Variants in PTPRT observed in about 807,000 individuals in gnomAD.
PTPRT encodes the protein receptor-type tyrosine-protein phosphatase T.
A neutral mutation model predicts 176.8 loss-of-function variants in PTPRT; 56 were observed. That is an observed-to-expected ratio of 0.32 (90% CI 0.26 to 0.40). PTPRT has a LOEUF of 0.40. Ranked by LOEUF, PTPRT falls within the 10% of genes least tolerant of loss-of-function variation. The probability of loss-of-function intolerance (pLI) is 1.00; values close to 1 mark genes in which losing one functional copy is unlikely to be tolerated. For missense variants in PTPRT, 1,540 were observed against 1,908.2 expected, an observed-to-expected ratio of 0.81 and a Z score of 3.60; for synonymous variants, 783 against 739.0, an observed-to-expected ratio of 1.06 and a Z score of -0.96.
intron 6 of PTPRT, among the ~76,000 whole-genome samples, chr20:42,741,717 T>C (rs537851705): frequency 8.5e-5 from 13 of 152,206 alleles, no homozygotes; most frequent in African/African-American, 3.1e-4. Flanking sequence ...ACCAAGAGTC[T>C]TATGGTCATG....
chr20:42,173,587 C>T (rs1324572078), intron 16 of PTPRT, among the ~76,000 whole-genome samples: 1 of 151,990 alleles, frequency 6.6e-6, no homozygotes, highest in African/African-American at 2.4e-5. Flanking sequence ...ATAAACAATA[C>T]ATTTGGAAAA....
Position 42,317,599 on chromosome 20 carries a change from G to A in PTPRT, c.1866-1603C>T, listed in dbSNP as rs150525027. Among the ~76,000 whole-genome samples the A allele has an allele frequency of 2.9e-3, 434 of 152,200 alleles. 1 individual carries two copies. Among genetic ancestry groups the A allele is most frequent in the African/African-American group, 9.9e-3 (412 of 41,528 alleles). On this transcript the variant is annotated intron_variant, in intron 11 of 30. Coordinates refer to ENST00000373187, the MANE Select transcript of PTPRT (RefSeq NM_007050.6). ...TTATCAAAAATGAAACGTGTTGCAG[G>A]CTACCATCCTTCAATCAGACTATCC...
intron 7 of PTPRT, among the ~76,000 whole-genome samples, chr20:42,609,865 G>A (rs913787900): frequency 2.6e-5 from 4 of 152,322 alleles, no homozygotes; most frequent in East Asian, 3.9e-4. Flanking sequence ...GCAGCCGAGC[G>A]TGAGCACATT....
At chr20:42,714,378 C>T (rs926635491) in intron 6 of PTPRT, among the ~76,000 whole-genome samples, 2 of 151,768 alleles carry the variant, frequency 1.3e-5, no homozygotes, top group East Asian at 1.9e-4. Context: ...CAAATCAACA[C>T]ACACTCACTT....
At chr20:42,529,526 G>T (rs1165556928) in intron 7 of PTPRT, among the ~76,000 whole-genome samples, 1 of 152,044 alleles carries the variant, frequency 6.6e-6, no homozygotes, top group African/African-American at 2.4e-5. Context: ...TCACTCTGCT[G>T]CCCCGGCTGG....
At chr20:42,443,224 T>A (rs6016797) in intron 9 of PTPRT, among the ~76,000 whole-genome samples, 48,014 of 152,148 alleles carry the variant, frequency 0.32, 8,160 homozygotes, top group Middle Eastern at 0.44. Context: ...CCTCTTGTGC[T>A]GATCACAATT....
chr20:42,908,079 T>C (rs1157867378), intron 1 of PTPRT, among the ~76,000 whole-genome samples: 1 of 151,896 alleles, frequency 6.6e-6, no homozygotes, highest in African/African-American at 2.4e-5. Context: ...CTCCAGCCAT[T>C]AGGAGCTGCA....
chr20:42,199,440 A>C, intron 15 of PTPRT, 52 bp from the exon 16 acceptor site: 6 of 1,585,532 alleles, frequency 3.8e-6, no homozygotes, highest in Non-Finnish European at 5.2e-6. Context: ...TGCCAGTTGC[A>C]TTAAAGCATT....
chr20:42,276,549 A>ATT (rs1368467176), intron 13 of PTPRT, among the ~76,000 whole-genome samples: 11 of 74,698 alleles, frequency 1.5e-4, no homozygotes, highest in African/African-American at 5.1e-4. Flanking sequence ...ATATATATAT[A>ATT]TATATATATA....
chr20:42,272,239 C>T (rs1457395247), intron 13 of PTPRT, among the ~76,000 whole-genome samples: 1 of 152,134 alleles, frequency 6.6e-6, no homozygotes, highest in Non-Finnish European at 1.5e-5. Context: ...AACACAGCTG[C>T]ACTCATTCTT....
chr20:43,003,355 T>C (rs2146134439), intron 1 of PTPRT, among the ~76,000 whole-genome samples: 1 of 152,248 alleles, frequency 6.6e-6, no homozygotes, highest in South Asian at 2.1e-4. Flanking sequence ...CTTAGCTATT[T>C]TCTTTTATTT....
At chr20:42,292,319 T>TA (rs962202920) in intron 12 of PTPRT, among the ~76,000 whole-genome samples, 5 of 151,118 alleles carry the variant, frequency 3.3e-5, no homozygotes, top group African/African-American at 1.2e-4. Context: ...TTTTTTTTTT[T>TA]AAAAGATGTC....
chr20:42,988,522 G>A (rs539516138), intron 1 of PTPRT, among the ~76,000 whole-genome samples: 119 of 152,212 alleles, frequency 7.8e-4, no homozygotes, highest in Non-Finnish European at 1.0e-3. Flanking sequence ...TCCCCCATGT[G>A]CTGCAAGCAG....
intron 16 of PTPRT, among the ~76,000 whole-genome samples, chr20:42,169,533 A>G (rs1989983564): frequency 6.6e-6 from 1 of 152,088 alleles, no homozygotes; most frequent in Non-Finnish European, 1.5e-5. Flanking sequence ...GGTATGGAAT[A>G]AAAGGATTCC....
chr20:42,272,080 A>T (rs2056945984), intron 13 of PTPRT, among the ~76,000 whole-genome samples: 1 of 151,820 alleles, frequency 6.6e-6, no homozygotes, highest in African/African-American at 2.4e-5. Flanking sequence ...CTGGCCCCCC[A>T]CTCCCTGTTT....
chr20:42,907,659 C>A (rs2079495728), intron 1 of PTPRT, among the ~76,000 whole-genome samples: 1 of 152,022 alleles, frequency 6.6e-6, no homozygotes, highest in Non-Finnish European at 1.5e-5. Context: ...GAGAGAGCTA[C>A]AAAAAAGATG....
intron 6 of PTPRT, among the ~76,000 whole-genome samples, chr20:42,712,479 G>C (rs952654000): frequency 2.0e-5 from 3 of 152,176 alleles, no homozygotes; most frequent in Non-Finnish European, 4.4e-5. Flanking sequence ...ACACATCTGT[G>C]CACCCTGAGG....
At chr20:42,169,180 C>T (rs544554018) in intron 16 of PTPRT, among the ~76,000 whole-genome samples, 1 of 152,272 alleles carries the variant, frequency 6.6e-6, no homozygotes, top group Admixed American at 6.5e-5. Context: ...TCTTTCTCCT[C>T]CTAAACCTCC....
chr20:43,163,953 G>A (rs2014784265), intron 1 of PTPRT, among the ~76,000 whole-genome samples: 1 of 152,186 alleles, frequency 6.6e-6, no homozygotes, highest in African/African-American at 2.4e-5. Flanking sequence ...TGCTATAAGG[G>A]TAGAGCAGAA....
Sources: allele counts gnomAD v4.1 joint callset (sites outside exome capture counted in the v4.1 genomes callset), GRCh38; gene constraint gnomAD v4.1.1; transcripts MANE v1.5; gene names NCBI Gene and HGNC (gene_info 2026-07-23, HGNC 2026-07-21).